The following MID1 variants were observed in gnomAD, a reference collection of about 807,000 sequenced individuals.
The protein encoded by MID1 is E3 ubiquitin-protein ligase Midline-1.
In MID1, 7 loss-of-function variants were observed where a neutral mutation model predicts 40.4. The observed-to-expected ratio is 0.17, with a 90% CI of 0.10 to 0.33. The LOEUF (loss-of-function observed/expected upper bound fraction) is 0.33, where lower values mean the gene tolerates loss of function less well. Among genes scored for constraint, MID1 ranks in the 10% least tolerant of loss-of-function variants. The probability of loss-of-function intolerance (pLI) is 1.00; values close to 1 mark genes in which losing one functional copy is unlikely to be tolerated. For synonymous variants in MID1, 229 were observed against 221.2 expected (o/e 1.04, Z -0.31); for missense variants, 367 against 558.5 (o/e 0.66, Z 3.46).
chrX:10,567,232 AG>A lies in MID1; in HGVS notation c.315del (p.Phe106LeufsTer6). 1 of 1,210,441 alleles carries A rather than the reference AG, an allele frequency of 8.3e-7. No individual in the cohort carries two copies. Among genetic ancestry groups the A allele is most frequent in the Non-Finnish European group, 1.1e-6 (1 of 894,532 alleles). ...NSPSETRRER[A>X]FDANTMTSAE... ...GCGGAGGTCATGGTGTTGGCGTCAA[AG>A]GCCCGCTCCCGACGGGTCTCGCTGG... is the stretch of plus-strand genomic sequence containing the variant. On this transcript the variant is annotated frameshift_variant, in exon 2 of 10. Transcript: ENST00000317552. LOFTEE classifies it high-confidence loss of function.
At chrX:10,829,051 T>G (rs925473695) in intron 1 of MID1, among the ~76,000 whole-genome samples, 1 of 112,491 alleles carries the variant, frequency 8.9e-6, no homozygotes, top group African/African-American at 3.2e-5. Context: ...TTTTGTTTCT[T>G]AACATTGAGC....
intron 1 of MID1, among the ~76,000 whole-genome samples, chrX:10,687,188 G>T (rs144473288): frequency 1.8e-5 from 2 of 111,739 alleles, no homozygotes; most frequent in East Asian, 2.8e-4. Flanking sequence ...ACATAGTTGG[G>T]CCAAATAGAT....
intron 1 of MID1, among the ~76,000 whole-genome samples, chrX:10,751,832 T>C (rs1196672380): frequency 8.9e-6 from 1 of 112,014 alleles, no homozygotes; most frequent in Non-Finnish European, 1.9e-5. Context: ...ACCCCCAATA[T>C]TGGAGGAACC....
chrX:10,784,790 T>C (rs1290513109), intron 1 of MID1, among the ~76,000 whole-genome samples: 5 of 110,846 alleles, frequency 4.5e-5, no homozygotes, highest in African/African-American at 9.9e-5. Flanking sequence ...GATAGTGCCA[T>C]TGTGAAAAAC....
chrX:10,603,487 G>C (rs1464029870), intron 1 of MID1, among the ~76,000 whole-genome samples: 1 of 111,748 alleles, frequency 8.9e-6, no homozygotes, highest in Non-Finnish European at 1.9e-5. Context: ...CCTCTAATCT[G>C]GTGAGTCTCT....
chrX:10,770,155 C>T (rs1159607910), intron 1 of MID1, among the ~76,000 whole-genome samples: 1 of 111,472 alleles, frequency 9.0e-6, no homozygotes, highest in Non-Finnish European at 1.9e-5. Context: ...CATCTCTTCC[C>T]TCAGACTGCA....
chrX:10,480,910 T>G (rs757489178), intron 5 of MID1, among the ~76,000 whole-genome samples: 2 of 112,538 alleles, frequency 1.8e-5, no homozygotes, highest in East Asian at 5.6e-4. Context: ...TCACTCCTCC[T>G]CTATGCGATA....
intron 1 of MID1, among the ~76,000 whole-genome samples, chrX:10,824,270 T>C (rs748540344): frequency 2.7e-5 from 3 of 112,166 alleles, no homozygotes; most frequent in Admixed American, 9.5e-5. Context: ...AGAGCTTTAT[T>C]TGGGGGTCTG....
intron 1 of MID1, among the ~76,000 whole-genome samples, chrX:10,634,249 A>G (rs940175902): frequency 1.8e-5 from 2 of 112,078 alleles, no homozygotes. Context: ...GTTGATATTT[A>G]TTTCTAAATA....
At chrX:10,790,998 C>T (rs1047466562) in intron 1 of MID1, among the ~76,000 whole-genome samples, 4 of 112,397 alleles carry the variant, frequency 3.6e-5, no homozygotes, top group African/African-American at 9.7e-5. Context: ...GTTGAATGGA[C>T]GGATGAAAGG....
intron 1 of MID1, among the ~76,000 whole-genome samples, chrX:10,640,278 G>A (rs1389531038): frequency 1.8e-5 from 2 of 111,597 alleles, no homozygotes; most frequent in African/African-American, 6.5e-5. Flanking sequence ...CCCATCTCAT[G>A]TGCAGAGACA....
In MID1 at chrX:10,507,999, G is replaced by C. The variant is rs559730022; in HGVS notation, c.757-12308C>G. Among the ~76,000 whole-genome samples the C allele has an allele frequency of 7.3e-4, 82 of 112,199 alleles. 2 individuals carry two copies. The South Asian group carries it at 0.03, about 42-fold the overall frequency. ...TAGCTAAGGAATGAAAGTGAGAGGAGATGAGGTCATTCTTGTTATTCCATG... is the reference window on the plus strand; with the variant it reads ...TAGCTAAGGAATGAAAGTGAGAGGACATGAGGTCATTCTTGTTATTCCATG... On this transcript the variant is annotated intron_variant, in intron 3 of 9. Coordinates refer to ENST00000317552, the MANE Select transcript of MID1 (RefSeq NM_000381.4).
chrX:10,759,515 ACTTTC>A (rs2043660468), intron 1 of MID1, among the ~76,000 whole-genome samples: 1 of 110,874 alleles, frequency 9.0e-6, no homozygotes, highest in Non-Finnish European at 1.9e-5. Context: ...TTGTGATGCC[ACTTTC>A]AGCAGGATGC....
intron 1 of MID1, among the ~76,000 whole-genome samples, chrX:10,776,426 C>A (rs1196674594): frequency 8.9e-6 from 1 of 111,911 alleles, no homozygotes; most frequent in Non-Finnish European, 1.9e-5. Context: ...TAAGTTCTTG[C>A]AACGGTGATG....
intron 1 of MID1, among the ~76,000 whole-genome samples, chrX:10,588,321 T>C (rs986663501): frequency 9.0e-6 from 1 of 110,649 alleles, no homozygotes; most frequent in Non-Finnish European, 1.9e-5. Flanking sequence ...TTTGCATAAT[T>C]TTTTTTTTCC....
chrX:10,489,647 TC>T (rs1930818657), intron 4 of MID1, among the ~76,000 whole-genome samples: 2 of 111,389 alleles, frequency 1.8e-5, no homozygotes, highest in Admixed American at 9.5e-5. Context: ...TTATAATAAA[TC>T]TTGAAATCAG....
At chrX:10,635,278 T>G (rs1050016652) in intron 1 of MID1, among the ~76,000 whole-genome samples, 2 of 112,052 alleles carry the variant, frequency 1.8e-5, no homozygotes, top group Non-Finnish European at 3.8e-5. Context: ...ACATGTATCC[T>G]ACTTTAGTCA....
rs940337825 is a variant in MID1, at chrX:10,643,499, A to C, written c.-186-23080T>G. On this transcript the variant is annotated intron_variant, in intron 1 of 10. Coordinates refer to the MID1 transcript ENST00000380785. ...CACACCAGTTACAATGGCGATCATT[A>C]AAAAGTCAGGAAACAACAGGTGCTG... Among the ~76,000 whole-genome samples, 66 of 112,216 alleles carry C rather than the reference A, an allele frequency of 5.9e-4. 1 individual carries two copies. The highest frequency in any genetic ancestry group is 1.8e-3 in the African/African-American group (55 of 30,783).
At position 10,674,624 on chromosome X, in the gene MID1, T is replaced by C. The variant is rs185972767; in HGVS notation, c.-186-54205A>G. On this transcript the variant is annotated intron_variant, in intron 1 of 10. Coordinates refer to the MID1 transcript ENST00000380785. The stretch of plus-strand genomic sequence containing the variant: ...TCAGGTTCAAATATAATAATGAAGG[T>C]AAATAGTCTTTATAACCAGAATGAG... Among the ~76,000 whole-genome samples the C allele has an allele frequency of 8.9e-5, 10 of 112,137 alleles. No homozygotes were observed. The Admixed American group carries it at 9.5e-4, about 11-fold the overall frequency.
Sources: gnomAD v4.1 joint callset for allele counts (sites outside exome capture counted in the v4.1 genomes callset) on GRCh38, gnomAD v4.1.1 for gene constraint, MANE v1.5 for transcripts, NCBI Gene and HGNC (gene_info 2026-07-23, HGNC 2026-07-21) for gene names.